The following ANKRD28 variants were observed in gnomAD, a reference collection of about 807,000 sequenced individuals.
The protein encoded by ANKRD28 is serine/threonine-protein phosphatase 6 regulatory ankyrin repeat subunit A.
ANKRD28 carries 44 observed loss-of-function variants against 126.5 expected under a neutral mutation model. That is an observed-to-expected ratio of 0.35 (90% confidence interval 0.27 to 0.45). ANKRD28 has a LOEUF of 0.45. Among genes scored for constraint, ANKRD28 ranks in the 20% least tolerant of loss-of-function variants. The probability of loss-of-function intolerance (pLI) is 1.00; values close to 1 mark genes in which losing one functional copy is unlikely to be tolerated. For missense variants in ANKRD28, 1,110 were observed against 1,316.6 expected (o/e 0.84, Z 2.43); for synonymous variants, 442 against 468.5 (o/e 0.94, Z 0.73).
At position 15,712,196 on chromosome 3, in the gene ANKRD28, AG is replaced by A; in HGVS notation, c.1216del (p.Leu406SerfsTer6). 1.9e-6 allele frequency: 3 copies of A among 1,585,922 alleles called. No individual in the cohort carries two copies. The highest frequency in any genetic ancestry group is 2.6e-6 in the Non-Finnish European group (3 of 1,165,560). ...AAAGCCGCTTAAGGCTGCCAAATGG[AG>A]GGGGAACATTCCATGTATGCCACGC... ...AKRGIHGMFPLHLAALSGFSD... is the reference protein window; with the variant it reads ...AKRGIHGMFPXHLAALSGFSD... On this transcript the variant is annotated frameshift_variant, in exon 11 of 28. Coordinates refer to ENST00000683139, the MANE Select transcript of ANKRD28 (RefSeq NM_001349278.2). LOFTEE classifies it high-confidence loss of function.
intron 21 of ANKRD28, among the ~76,000 whole-genome samples, chr3:15,680,178 A>T (rs1223594160): frequency 1.3e-5 from 2 of 152,056 alleles, no homozygotes. Flanking sequence ...TTAACTACAC[A>T]TATCCTTCCA....
At chr3:15,807,647 G>A (rs2060613329) in intron 1 of ANKRD28, among the ~76,000 whole-genome samples, 1 of 152,068 alleles carries the variant, frequency 6.6e-6, no homozygotes, top group African/African-American at 2.4e-5. Context: ...AATGAAACTA[G>A]AATACCTTCA....
intron 7 of ANKRD28, among the ~76,000 whole-genome samples, chr3:15,722,013 G>A (rs938497681): frequency 6.6e-6 from 1 of 152,144 alleles, no homozygotes; most frequent in African/African-American, 2.4e-5. Flanking sequence ...CCAAAGTGCT[G>A]CGATTACAGG....
chr3:15,802,728 T>C (rs989849884), upstream of ANKRD28, among the ~76,000 whole-genome samples: 8 of 152,200 alleles, frequency 5.3e-5, no homozygotes, highest in Non-Finnish European at 5.9e-5. Flanking sequence ...TTCTCAATCA[T>C]CTTCAGCCAC....
chr3:15,678,353 T>A lies in ANKRD28; in HGVS notation c.2563A>T (p.Thr855Ser). ...IVNATDSKGR[T>S]PLHAAAFTDH... ...GTGAAGGCGGCTGCATGGAGAGGAG[T>A]TCTGTGATAAAGAAAAATTGAAATA... Residue 855 changes from threonine to serine, a missense_variant and splice_region_variant, in exon 24 of 28, where the codon ACT becomes TCT. By Grantham distance (58) the Thr-to-Ser change is moderately conservative (BLOSUM62 1). Coordinates refer to ENST00000683139, the MANE Select transcript of ANKRD28 (RefSeq NM_001349278.2). 1 of 1,588,372 alleles carries A rather than the reference T, an allele frequency of 6.3e-7. No homozygotes were observed. The highest frequency in any genetic ancestry group is 8.5e-7 in the Non-Finnish European group (1 of 1,171,864).
chr3:15,812,994 A>C lies in ANKRD28; in HGVS notation c.28-17688T>G, dbSNP rs2060749020. 6.6e-6 allele frequency among the ~76,000 whole-genome samples: 1 copy of C among 152,164 alleles called. No homozygotes were observed. The highest frequency in any genetic ancestry group is 1.5e-5 in the Non-Finnish European group (1 of 68,028). ...AATAATCTACCCCTATCCTATCAGA[A>C]AACAGATGAATAAAATCTGCAGTTT... is the stretch of plus-strand genomic sequence containing the variant. On this transcript the variant is annotated intron_variant, in intron 1 of 27. Transcript: ENST00000399451. The surrounding 1 kb of genome is among the most constrained non-coding windows in gnomAD (Gnocchi z 4.1).
rs2061850628 is a variant in ANKRD28, at chr3:15,859,242, G to C, written c.27+135C>G. 6 of 1,324,452 alleles carry C rather than the reference G, an allele frequency of 4.5e-6. No individual in the cohort carries two copies. In the South Asian group the frequency reaches 7.6e-5, roughly 17 times the overall value. 82.0% of individuals were successfully genotyped at this position (1,324,452 alleles called of 1,614,324 possible). A position where few individuals can be genotyped will look rare whatever the true frequency, so the allele number is the denominator to read the frequency against. Reference sequence around the variant, plus strand: ...GGACCCCGGCCCGCCGTCTCGCGCAGGTCCCCGGGGCAGGACCCCCGTTTC... The same window carrying C: ...GGACCCCGGCCCGCCGTCTCGCGCACGTCCCCGGGGCAGGACCCCCGTTTC... On this transcript the variant is annotated intron_variant, in intron 1 of 27. Transcript: ENST00000399451.
intron 2 of ANKRD28, among the ~76,000 whole-genome samples, chr3:15,791,391 A>C (rs1163716147): frequency 2.0e-5 from 3 of 152,202 alleles, no homozygotes; most frequent in East Asian, 3.8e-4. Flanking sequence ...TAACCAAAAC[A>C]GCATGGTACT....
chr3:15,850,200 A>ATATATATATAT lies in ANKRD28; in HGVS notation c.27+9176_27+9177insATATATATATA, dbSNP rs1208827136. On this transcript the variant is annotated intron_variant, in intron 1 of 27. Transcript: ENST00000399451. ...GGTATCTACATGCAATAAAAAAAAA[A>ATATATATATAT]AAAAATATATATATATATATATATA... is the stretch of plus-strand genomic sequence containing the variant. 4.6e-3 allele frequency among the ~76,000 whole-genome samples: 218 copies of ATATATATATAT among 47,452 alleles called. 6 individuals carry two copies. Among genetic ancestry groups the ATATATATATAT allele is most frequent in the East Asian group, 9.3e-3 (17 of 1,830 alleles). 31.1% of individuals were successfully genotyped at this position (47,452 alleles called of 152,430 possible). A position where few individuals can be genotyped will look rare whatever the true frequency, so the allele number is the denominator to read the frequency against.
In ANKRD28 at chr3:15,718,666, G is replaced by A. The variant is rs191254324; in HGVS notation, c.996+2249C>T. Reference sequence around the variant, plus strand: ...GGAAGCCCAATCTCTACCTTTTAAAGACAGCATCATGTGAACCAAAAAATG... The same window carrying A: ...GGAAGCCCAATCTCTACCTTTTAAAAACAGCATCATGTGAACCAAAAAATG... On this transcript the variant is annotated intron_variant, in intron 8 of 27. Transcript: ENST00000683139. 2.3e-3 allele frequency among the ~76,000 whole-genome samples: 347 copies of A among 151,918 alleles called. 2 individuals carry two copies. Among genetic ancestry groups the A allele is most frequent in the African/African-American group, 7.7e-3 (316 of 41,222 alleles).
In ANKRD28 at chr3:15,729,588, T is replaced by C. The variant is rs1485991631; in HGVS notation, c.641-5064A>G. Reference sequence around the variant, plus strand: ...GCATAGAAAACAAGCATCCAAAATATATTAGTTACATTGAAGAAATTGCTC... The same window carrying C: ...GCATAGAAAACAAGCATCCAAAATACATTAGTTACATTGAAGAAATTGCTC... On this transcript the variant is annotated intron_variant, in intron 6 of 27. Transcript: ENST00000683139. Among the ~76,000 whole-genome samples, 3 of 152,200 alleles carry C rather than the reference T, an allele frequency of 2.0e-5. No individual in the cohort carries two copies. The East Asian group carries it at 5.8e-4, about 29-fold the overall frequency.
In ANKRD28 at chr3:15,792,059, T is replaced by A. The variant is rs139406451; in HGVS notation, c.201+3164A>T. On this transcript the variant is annotated intron_variant, in intron 2 of 27. Transcript: ENST00000683139. Reference sequence around the variant, plus strand: ...CTTGTCCCAGTTAAAATGCCTTTTATCCAAAAGTCAGGCAGTAACAAATGC... The same window carrying A: ...CTTGTCCCAGTTAAAATGCCTTTTAACCAAAAGTCAGGCAGTAACAAATGC... 2.2e-4 allele frequency among the ~76,000 whole-genome samples: 33 copies of A among 152,250 alleles called. 1 individual carries two copies. The highest frequency in any genetic ancestry group is 7.9e-4 in the African/African-American group (33 of 41,532).
chr3:15,796,814 A>C lies in ANKRD28; in HGVS notation c.-293T>G, dbSNP rs1054669287. The C allele has an allele frequency of 2.0e-6, 2 of 988,216 alleles. No individual in the cohort carries two copies. Among genetic ancestry groups the C allele is most frequent in the African/African-American group, 3.5e-5 (2 of 57,238 alleles). 61.2% of individuals were successfully genotyped at this position (988,216 alleles called of 1,614,324 possible). A position where few individuals can be genotyped will look rare whatever the true frequency, so the allele number is the denominator to read the frequency against. ...ATGTCAATAACTAAAACTGAGTCCA[A>C]GCTCATTTAAAAATATTTTTCCTCT... On this transcript the variant is annotated 5_prime_UTR_variant, in exon 1 of 28. Coordinates refer to ENST00000683139, the MANE Select transcript of ANKRD28 (RefSeq NM_001349278.2).
chr3:15,693,452 A>G (rs193243555), intron 17 of ANKRD28, among the ~76,000 whole-genome samples: 102 of 152,250 alleles, frequency 6.7e-4, no homozygotes, highest in African/African-American at 2.4e-3. Flanking sequence ...AGAATTTCTA[A>G]GGAAACAACA....
At position 15,838,017 on chromosome 3, in the gene ANKRD28, C is replaced by A. The variant is rs1229300051; in HGVS notation, c.27+21360G>T. On this transcript the variant is annotated intron_variant, in intron 1 of 27. Transcript: ENST00000399451. This position sits in a 1 kb window ranked among gnomAD's most constrained non-coding sequence, Gnocchi z 4.0. ...AATATTATGAACAACTGTATACAAA[C>A]AAATGTAAACAACTTAGAAAAAAAT... 6.6e-6 allele frequency among the ~76,000 whole-genome samples: 1 copy of A among 151,028 alleles called. No homozygotes were observed. The highest frequency in any genetic ancestry group is 1.5e-5 in the Non-Finnish European group (1 of 67,766).
chr3:15,857,284 C>T (rs1261325243), intron 1 of ANKRD28, among the ~76,000 whole-genome samples: 1 of 152,054 alleles, frequency 6.6e-6, no homozygotes, highest in African/African-American at 2.4e-5. Context: ...TTACAAGTGA[C>T]ATTTATTTAT....
intron 3 of ANKRD28, among the ~76,000 whole-genome samples, chr3:15,763,288 C>T (rs532391504): frequency 1.6e-4 from 25 of 152,358 alleles, no homozygotes; most frequent in African/African-American, 5.5e-4. Flanking sequence ...TTAACTTCTA[C>T]CCATCCCCAC....
intron 6 of ANKRD28, among the ~76,000 whole-genome samples, chr3:15,734,749 T>C (rs1449512335): frequency 6.6e-6 from 1 of 152,194 alleles, no homozygotes; most frequent in Admixed American, 6.5e-5. Context: ...TTTTTGTGCA[T>C]TTAAAAATAT....
chr3:15,794,498 A>G (rs1000584018), intron 2 of ANKRD28, among the ~76,000 whole-genome samples: 1 of 152,294 alleles, frequency 6.6e-6, no homozygotes. Context: ...TCTGGTAAAA[A>G]TATATACATT....
Sources: gnomAD v4.1 joint callset for allele counts (sites outside exome capture counted in the v4.1 genomes callset) on GRCh38, gnomAD v4.1.1 for gene constraint, Gnocchi (gnomAD v3.1) non-coding constraint, MANE v1.5 for transcripts, NCBI Gene and HGNC (gene_info 2026-07-23, HGNC 2026-07-21) for gene names.